The following SAP130 variants were observed in gnomAD, a reference collection of about 807,000 sequenced individuals.
SAP130 encodes histone deacetylase complex subunit SAP130.
In SAP130, 16 loss-of-function variants were observed where a neutral mutation model predicts 103.2. The observed-to-expected ratio is 0.16, with a 90% confidence interval of 0.10 to 0.24. SAP130 has a LOEUF of 0.24. Among genes scored for constraint, SAP130 ranks in the 10% least tolerant of loss-of-function variants. The pLI, the probability that SAP130 is intolerant of heterozygous loss-of-function variation, is 1.00. For synonymous variants in SAP130, 477 were observed against 497.0 expected (o/e 0.96, Z 0.53); for missense variants, 990 against 1,359.7 (o/e 0.73, Z 4.28).
intron 15 of SAP130, among the ~76,000 whole-genome samples, chr2:127,965,857 T>A (rs912383280): frequency 3.3e-5 from 5 of 151,312 alleles, no homozygotes; most frequent in African/African-American, 1.2e-4. Context: ...TATTTCCCCT[T>A]ATTATTATTT....
At chr2:127,970,360 G>A (rs1268484440) in intron 15 of SAP130, among the ~76,000 whole-genome samples, 2 of 151,334 alleles carry the variant, frequency 1.3e-5, no homozygotes, top group Non-Finnish European at 2.9e-5. Flanking sequence ...GGCCAACATG[G>A]TGAAACCCTG....
At chr2:127,997,928 A>C (rs777611462) in intron 10 of SAP130, among the ~76,000 whole-genome samples, 1 of 152,198 alleles carries the variant, frequency 6.6e-6, no homozygotes, top group Non-Finnish European at 1.5e-5. Flanking sequence ...AGCCTGGCCA[A>C]CATGGTGAAA....
At position 127,978,036 on chromosome 2, in the gene SAP130, G is replaced by C; in HGVS notation, c.2012C>G (p.Pro671Arg). 1 of 1,551,954 alleles carries C rather than the reference G, an allele frequency of 6.4e-7. No individual in the cohort carries two copies. Among genetic ancestry groups the C allele is most frequent in the Non-Finnish European group, 8.7e-7 (1 of 1,147,028 alleles). ...IPPQPPDVAS[P>R]RVESSMRSTS... ...ACTCCGCATAGAGCTTTCCACTCGA[G>C]GACTAGCAACATCAGGAGGCTGAGG... Residue 671 changes from proline (P) to arginine (R), a missense_variant, in exon 15 of 21, where the codon CCT becomes CGT. Pro to Arg is a moderately radical substitution (Grantham distance 103). Around this residue, in one of 6 missense-constraint regions of SAP130, gnomAD observed 349 missense variants for 384.1 expected, o/e 0.91. Transcript: ENST00000643581.
chr2:127,993,532 C>T (rs1343554429), intron 11 of SAP130, among the ~76,000 whole-genome samples: 2 of 149,830 alleles, frequency 1.3e-5, no homozygotes, highest in Non-Finnish European at 3.0e-5. Context: ...AATGTAAAAA[C>T]ATAGATAATA....
intron 16 of SAP130, among the ~76,000 whole-genome samples, chr2:127,952,296 T>C (rs1573633868): frequency 6.6e-6 from 1 of 151,640 alleles, no homozygotes; most frequent in African/African-American, 2.4e-5. Context: ...ACTAAAAATA[T>C]AAAAATTGGC....
At chr2:127,988,244 A>G (rs954577376) in intron 13 of SAP130, among the ~76,000 whole-genome samples, 9 of 151,972 alleles carry the variant, frequency 5.9e-5, no homozygotes, top group Non-Finnish European at 1.0e-4. Flanking sequence ...GCAACAAGCA[A>G]TATCCTGTTT....
At chr2:127,952,009 C>A (rs1032819675) in intron 16 of SAP130, among the ~76,000 whole-genome samples, 1 of 152,236 alleles carries the variant, frequency 6.6e-6, no homozygotes, top group African/African-American at 2.4e-5. Flanking sequence ...TCAGCAAAGG[C>A]CAAACTCTTC....
chr2:127,944,349 TA>T (rs889469618), intron 19 of SAP130, among the ~76,000 whole-genome samples: 8 of 151,772 alleles, frequency 5.3e-5, no homozygotes, highest in South Asian at 2.1e-4. Flanking sequence ...TATGTTCTAT[TA>T]AAAAAAAATT....
intron 6 of SAP130, among the ~76,000 whole-genome samples, 166 bp downstream of exon 6, chr2:128,012,864 C>T (rs1374080846): frequency 3.3e-5 from 5 of 151,040 alleles, no homozygotes; most frequent in Non-Finnish European, 7.4e-5. Context: ...TTCCCACCAT[C>T]TCTCCTCTGC....
At chr2:127,978,374 C>T (rs1200434139) in intron 14 of SAP130, among the ~76,000 whole-genome samples, 5 of 152,142 alleles carry the variant, frequency 3.3e-5, no homozygotes, top group East Asian at 3.8e-4. Context: ...CTCTTTTAGC[C>T]GCTGCTTCTA....
intron 15 of SAP130, among the ~76,000 whole-genome samples, chr2:127,971,454 T>C (rs543715209): frequency 6.6e-6 from 1 of 152,070 alleles, no homozygotes; most frequent in African/African-American, 2.4e-5. Flanking sequence ...CCTGGCTAAT[T>C]TTTTGTATGT....
Position 128,017,826 on chromosome 2 carries a change from C to G in SAP130, c.202G>C (p.Glu68Gln). The G allele has an allele frequency of 6.2e-7, 1 of 1,614,250 alleles. No homozygotes were observed. Among genetic ancestry groups the G allele is most frequent in the Non-Finnish European group, 8.5e-7 (1 of 1,180,038 alleles). ...SSLQSREEKQ[E>Q]PVVVRPYPQV... ...GGATAGGGCCTTACCACAACAGGCT[C>G]TTGCTTCTCCTCCCGGGACTGGAGG... is the stretch of plus-strand genomic sequence containing the variant. Residue 68 changes from glutamate (E) to glutamine (Q), a missense_variant, in exon 3 of 21, where the codon GAG (glutamate) becomes CAG (glutamine). By Grantham distance (29) the Glu-to-Gln change is conservative. Transcript: ENST00000643581.
At position 127,989,981 on chromosome 2, in the gene SAP130, G is replaced by T; in HGVS notation, c.1478-115C>A. The T allele has an allele frequency of 1.1e-6, 1 of 913,302 alleles. No homozygotes were observed. Among genetic ancestry groups the T allele is most frequent in the Non-Finnish European group, 1.6e-6 (1 of 623,682 alleles). 56.6% of individuals were successfully genotyped at this position (913,302 alleles called of 1,614,324 possible). On this transcript the variant is annotated intron_variant, in intron 12 of 20. Coordinates refer to ENST00000643581, the MANE Select transcript of SAP130 (RefSeq NM_001330301.2). The surrounding 1 kb of genome is among the most constrained non-coding windows in gnomAD (Gnocchi z 4.6). ...CCACTGTATAAGATCTAAATCCATG[G>T]TTTGAAAAAAAATAAATAAATAAAC...
rs1454179545 is a variant in SAP130 at position 128,021,454 on chromosome 2, AAAAAAAAC to A, written c.113-3547_113-3540del. On this transcript the variant is annotated intron_variant, in intron 2 of 20. Coordinates refer to ENST00000643581, the MANE Select transcript of SAP130 (RefSeq NM_001330301.2). ...AGAACAAGACTCCATCTCAAAAAAA[AAAAAAAAC>A]AAAAAAACAGAGAGGAAAGAAAAGA... 3.3e-5 allele frequency among the ~76,000 whole-genome samples: 5 copies of A among 152,016 alleles called. No individual in the cohort carries two copies. In the East Asian group the frequency reaches 7.7e-4, roughly 23 times the overall value.
At chr2:127,968,430 T>C (rs1372373810) in intron 15 of SAP130, among the ~76,000 whole-genome samples, 21 of 150,984 alleles carry the variant, frequency 1.4e-4, no homozygotes, top group African/African-American at 5.1e-4. Flanking sequence ...TTTTTTTTTT[T>C]TTTTTTTTAA....
chr2:128,010,196 G>T, intron 7 of SAP130, 73 bp downstream of exon 7: 2 of 1,469,724 alleles, frequency 1.4e-6, no homozygotes, highest in Non-Finnish European at 9.2e-7. Context: ...TTACTTAAAT[G>T]AAGGAACGAA....
intron 19 of SAP130, among the ~76,000 whole-genome samples, chr2:127,944,340 A>G (rs1678915620): frequency 6.6e-6 from 1 of 151,988 alleles, no homozygotes; most frequent in African/African-American, 2.4e-5. Flanking sequence ...CTGGCCCCTT[A>G]TGTTCTATTA....
At chr2:127,973,644 G>T (rs1488615579) in intron 15 of SAP130, among the ~76,000 whole-genome samples, 1 of 152,012 alleles carries the variant, frequency 6.6e-6, no homozygotes, top group Non-Finnish European at 1.5e-5. Context: ...TTTTTTTCCT[G>T]CTATTCTCAT....
intron 2 of SAP130, among the ~76,000 whole-genome samples, chr2:128,023,855 GT>G (rs891328250): frequency 6.6e-6 from 1 of 151,682 alleles, no homozygotes; most frequent in Non-Finnish European, 1.5e-5. Flanking sequence ...TATATATCTG[GT>G]TCTATTTCTA....
Sources: gnomAD v4.1 joint callset for allele counts (sites outside exome capture counted in the v4.1 genomes callset) on GRCh38, gnomAD v4.1.1 for gene constraint, gnomAD v4.1.1 regional missense constraint, Gnocchi (gnomAD v3.1) non-coding constraint, MANE v1.5 for transcripts, NCBI Gene and HGNC (gene_info 2026-07-23, HGNC 2026-07-21) for gene names.